The following CPLX4 variants were observed in gnomAD, a reference collection of about 807,000 sequenced individuals.
The protein encoded by CPLX4 is complexin 4.
A neutral mutation model predicts 16.1 loss-of-function variants in CPLX4; 17 were observed. That is an observed-to-expected ratio of 1.06 (90% CI 0.72 to 1.59). CPLX4 has a LOEUF of 1.59. CPLX4 is among the 40% of genes most tolerant of loss of function. The probability of loss-of-function intolerance (pLI) is 0.00; values close to 1 mark genes in which losing one functional copy is unlikely to be tolerated. For missense variants in CPLX4, 193 were observed against 192.9 expected, an observed-to-expected ratio of 1.00 and a Z score of 0.00; for synonymous variants, 55 against 57.8, an observed-to-expected ratio of 0.95 and a Z score of 0.22.
intron 2 of CPLX4, among the ~76,000 whole-genome samples, chr18:59,298,382 G>C (rs762470065): frequency 6.6e-6 from 1 of 152,056 alleles, no homozygotes; most frequent in African/African-American, 2.4e-5. Flanking sequence ...CAGATTTTTT[G>C]GAGATCAGGT....
chr18:59,301,159 G>A (rs982869211), intron 2 of CPLX4, among the ~76,000 whole-genome samples: 4 of 152,194 alleles, frequency 2.6e-5, no homozygotes, highest in Admixed American at 6.5e-5. Context: ...GATCTGCATC[G>A]GAGGCCTGAG....
intron 2 of CPLX4, among the ~76,000 whole-genome samples, chr18:59,309,858 AGT>A: frequency 6.7e-6 from 1 of 150,048 alleles, no homozygotes; most frequent in Non-Finnish European, 1.5e-5. Context: ...AGAAAAAAAG[AGT>A]AGAAAGAACA....
intron 2 of CPLX4, among the ~76,000 whole-genome samples, chr18:59,307,202 G>A (rs2070582477): frequency 6.6e-6 from 1 of 152,194 alleles, no homozygotes; most frequent in Admixed American, 6.5e-5. Flanking sequence ...CAAGCTTTGT[G>A]ACCTTCGGAA....
rs191557670 is a variant in CPLX4, at chr18:59,297,361, C to G, written c.256-436G>C. ...TCTCGATCTCAGCTCACTGCAACCT[C>G]TGCCTCCTTGGTTCAAGCAATTCTC... On this transcript the variant is annotated intron_variant, in intron 2 of 2. Transcript: ENST00000299721. Among the ~76,000 whole-genome samples, 450 of 151,980 alleles carry G rather than the reference C, an allele frequency of 3.0e-3. 5 individuals carry two copies. The highest frequency in any genetic ancestry group is 0.01 in the African/African-American group (421 of 41,434).
chr18:59,314,527 A>G (rs930631185), intron 1 of CPLX4, among the ~76,000 whole-genome samples: 7 of 152,162 alleles, frequency 4.6e-5, no homozygotes, highest in Admixed American at 4.6e-4. Context: ...TTTGTATCCA[A>G]TGCAATGCAC....
At chr18:59,314,029 T>A (rs1169320645) in intron 1 of CPLX4, among the ~76,000 whole-genome samples, 2 of 152,156 alleles carry the variant, frequency 1.3e-5, no homozygotes, top group Non-Finnish European at 2.9e-5. Context: ...ACAAAAAAAC[T>A]GAGTGTTAAG....
chr18:59,299,637 G>T (rs1293965272), intron 2 of CPLX4, among the ~76,000 whole-genome samples: 1 of 152,184 alleles, frequency 6.6e-6, no homozygotes, highest in Non-Finnish European at 1.5e-5. Flanking sequence ...CTCCTTCAAG[G>T]GTGACTCTGA....
chr18:59,298,099 T>A (rs1265071824), intron 2 of CPLX4, among the ~76,000 whole-genome samples: 2 of 152,146 alleles, frequency 1.3e-5, no homozygotes, highest in Non-Finnish European at 2.9e-5. Flanking sequence ...CTTTATTTTT[T>A]TTTTTTTTTA....
At chr18:59,308,162 A>T (rs188152374) in intron 2 of CPLX4, among the ~76,000 whole-genome samples, 1 of 152,246 alleles carries the variant, frequency 6.6e-6, no homozygotes, top group East Asian at 1.9e-4. Flanking sequence ...CTACAGTTCA[A>T]TAACAACCAG....
chr18:59,305,439 G>T (rs767913629), intron 2 of CPLX4, among the ~76,000 whole-genome samples: 32 of 152,298 alleles, frequency 2.1e-4, no homozygotes, highest in Non-Finnish European at 3.7e-4. Context: ...TATGGAGGGG[G>T]ACAAGACTCC....
At chr18:59,298,377 T>G (rs2070517393) in intron 2 of CPLX4, among the ~76,000 whole-genome samples, 1 of 152,050 alleles carries the variant, frequency 6.6e-6, no homozygotes, top group East Asian at 1.9e-4. Context: ...GCTGTCAGAT[T>G]TTTTGGAGAT....
rs577715400 is a variant in CPLX4 at position 59,315,748 on chromosome 18, T to C, written c.167+2548A>G. Among the ~76,000 whole-genome samples the C allele has an allele frequency of 2.0e-3, 298 of 152,348 alleles. 2 individuals are homozygous for C. Among genetic ancestry groups the C allele is most frequent in the Middle Eastern group, 6.8e-3 (2 of 294 alleles). ...AGTAGGGGTCAAAGTTCAATGTTTTTCAGTTGTTTAGCACCATTTGTTGAA... is the reference window on the plus strand; with the variant it reads ...AGTAGGGGTCAAAGTTCAATGTTTTCCAGTTGTTTAGCACCATTTGTTGAA... On this transcript the variant is annotated intron_variant, in intron 1 of 2. Transcript: ENST00000299721.
chr18:59,308,931 CA>C (rs2070597157), intron 2 of CPLX4, among the ~76,000 whole-genome samples: 1 of 152,184 alleles, frequency 6.6e-6, no homozygotes, highest in Admixed American at 6.5e-5. Context: ...AGGAGGCGCC[CA>C]AGGGTGGGGC....
intron 2 of CPLX4, among the ~76,000 whole-genome samples, chr18:59,299,543 C>T (rs542368642): frequency 3.9e-5 from 6 of 152,268 alleles, no homozygotes; most frequent in African/African-American, 1.2e-4. Context: ...GGATGGTGCT[C>T]GCCTGCCTCC....
At chr18:59,311,062 T>C (rs2070614022) in intron 2 of CPLX4, among the ~76,000 whole-genome samples, 1 of 151,626 alleles carries the variant, frequency 6.6e-6, no homozygotes, top group African/African-American at 2.4e-5. Flanking sequence ...GGCCAGGGGC[T>C]TCAGCGCAGT....
At position 59,300,167 on chromosome 18, in the gene CPLX4, A is replaced by G. The variant is rs143070205; in HGVS notation, c.256-3242T>C. Reference sequence around the variant, plus strand: ...GCCAATTTGGTGAAACCCCGTCTCTACTAAAAATGCAAAAAATTAGCAGGG... The same window carrying G: ...GCCAATTTGGTGAAACCCCGTCTCTGCTAAAAATGCAAAAAATTAGCAGGG... On this transcript the variant is annotated intron_variant, in intron 2 of 2. Coordinates refer to ENST00000299721, the MANE Select transcript of CPLX4 (RefSeq NM_181654.4). 3.2e-3 allele frequency among the ~76,000 whole-genome samples: 483 copies of G among 152,202 alleles called. 1 individual carries two copies. The highest frequency in any genetic ancestry group is 0.011 in the African/African-American group (465 of 41,520).
At chr18:59,318,177 A>G (rs1424738993) in intron 1 of CPLX4, 119 bp downstream of exon 1, 21 of 1,445,914 alleles carry the variant, frequency 1.5e-5, no homozygotes, top group Non-Finnish European at 1.9e-5. Context: ...GGTTAGAGGT[A>G]AACGGCAAAA....
Position 59,301,530 on chromosome 18 carries a change from CATG to C in CPLX4, c.256-4608_256-4606del, listed in dbSNP as rs539914392. On this transcript the variant is annotated intron_variant, in intron 2 of 2. Transcript: ENST00000299721. Reference sequence around the variant, plus strand: ...AATTACTCTGGGCTGCAGCCTGTGCCATGGACATCTTATGACTAAAGGTAGGAC... The same window carrying C: ...AATTACTCTGGGCTGCAGCCTGTGCCGACATCTTATGACTAAAGGTAGGAC... Among the ~76,000 whole-genome samples, 330 of 152,312 alleles carry C rather than the reference CATG, an allele frequency of 2.2e-3. 1 individual carries two copies. Among genetic ancestry groups the C allele is most frequent in the African/African-American group, 7.7e-3 (322 of 41,574 alleles).
In CPLX4 at chr18:59,296,582, A is replaced by T. The variant is rs1326662359; in HGVS notation, c.*116T>A. ...CCAAATTATTGTCTGTCAATGGATC[A>T]TCGTGGTTTTCCTAACTGTGTTCAC... is the stretch of plus-strand genomic sequence containing the variant. On this transcript the variant is annotated 3_prime_UTR_variant, in exon 3 of 3. Transcript: ENST00000299721. 1.9e-6 allele frequency: 2 copies of T among 1,054,930 alleles called. No homozygotes were observed. The highest frequency in any genetic ancestry group is 3.2e-5 in the African/African-American group (2 of 61,824). 65.3% of individuals were successfully genotyped at this position (1,054,930 alleles called of 1,614,324 possible). A position where few individuals can be genotyped will look rare whatever the true frequency, so the allele number is the denominator to read the frequency against.
Sources: gnomAD v4.1 joint callset for allele counts (sites outside exome capture counted in the v4.1 genomes callset) on GRCh38, gnomAD v4.1.1 for gene constraint, MANE v1.5 for transcripts, NCBI Gene and HGNC (gene_info 2026-07-23, HGNC 2026-07-21) for gene names.